Variants in GRXCR1 observed in about 807,000 individuals in gnomAD.
GRXCR1 encodes the protein glutaredoxin and cysteine rich domain containing 1.
GRXCR1 carries 27 observed loss-of-function variants against 27.3 expected under a neutral mutation model. The observed-to-expected ratio is 0.99, with a 90% CI of 0.73 to 1.37. GRXCR1 has a LOEUF of 1.37. GRXCR1 is among the 40% of genes most tolerant of loss of function. The pLI is 0.00. For synonymous variants in GRXCR1, 122 were observed against 131.1 expected (o/e 0.93, Z 0.47); for missense variants, 379 against 354.4 (o/e 1.07, Z -0.56).
chr4:42,941,594 A>C (rs563776080), intron 1 of GRXCR1, among the ~76,000 whole-genome samples: 12 of 151,972 alleles, frequency 7.9e-5, no homozygotes, highest in Non-Finnish European at 1.6e-4. Flanking sequence ...TATTTAACGG[A>C]GAGGCAAATG....
intron 2 of GRXCR1, among the ~76,000 whole-genome samples, chr4:43,004,515 G>A (rs1038568557): frequency 2.6e-5 from 4 of 152,204 alleles, no homozygotes; most frequent in African/African-American, 9.7e-5. Flanking sequence ...GGCACTCAAC[G>A]ACAGCCCATG....
At chr4:42,943,602 C>G (rs1182395527) in intron 1 of GRXCR1, among the ~76,000 whole-genome samples, 1 of 151,990 alleles carries the variant, frequency 6.6e-6, no homozygotes, top group African/African-American at 2.4e-5. Flanking sequence ...CGGAAAACAA[C>G]TAAACCAAAG....
At chr4:42,981,246 T>A (rs1025791384) in intron 2 of GRXCR1, among the ~76,000 whole-genome samples, 1 of 152,006 alleles carries the variant, frequency 6.6e-6, no homozygotes, top group Non-Finnish European at 1.5e-5. Context: ...TCATGAGACT[T>A]ATAAAAAACA....
At chr4:42,962,182 A>T (rs1255859818) in intron 1 of GRXCR1, among the ~76,000 whole-genome samples, 1 of 151,756 alleles carries the variant, frequency 6.6e-6, no homozygotes, top group African/African-American at 2.4e-5. Flanking sequence ...CTTGTTTTTG[A>T]GTGTTGCTTG....
rs796364167 is a variant in GRXCR1, at chr4:42,983,435, A to G, written c.627+20301A>G. 2.8e-3 allele frequency among the ~76,000 whole-genome samples: 426 copies of G among 151,696 alleles called. 3 individuals carry two copies. Among genetic ancestry groups the G allele is most frequent in the African/African-American group, 9.9e-3 (409 of 41,288 alleles). On this transcript the variant is annotated intron_variant, in intron 2 of 3. Coordinates refer to ENST00000399770, the MANE Select transcript of GRXCR1 (RefSeq NM_001080476.3). ...TCTATATCTCTGTTTTGGTACCAGT[A>G]GCATGCTGTTTTGGTTACTGTAGCC...
At chr4:43,003,140 C>T (rs1160918813) in intron 2 of GRXCR1, among the ~76,000 whole-genome samples, 5 of 152,106 alleles carry the variant, frequency 3.3e-5, no homozygotes, top group Admixed American at 6.6e-5. Context: ...TCCTGTTAAG[C>T]CTGTAGAACT....
At chr4:42,898,809 T>C in intron 1 of GRXCR1, among the ~76,000 whole-genome samples, 1 of 148,866 alleles carries the variant, frequency 6.7e-6, no homozygotes, top group African/African-American at 2.5e-5. Context: ...TCTTATGTAG[T>C]GTTCTGTCAA....
intron 2 of GRXCR1, among the ~76,000 whole-genome samples, chr4:42,990,291 A>G (rs1711927352): frequency 7.4e-6 from 1 of 135,042 alleles, no homozygotes; most frequent in Non-Finnish European, 1.5e-5. Flanking sequence ...TCCCGGGTTC[A>G]CGCCATTCTC....
chr4:42,987,229 T>TTATATATATATATTA (rs1349228105), intron 2 of GRXCR1, among the ~76,000 whole-genome samples: 2 of 92,236 alleles, frequency 2.2e-5, no homozygotes, highest in Non-Finnish European at 4.3e-5. Context: ...ATATTATATA[T>TTATATATATATATTA]TATATATATA....
intron 2 of GRXCR1, among the ~76,000 whole-genome samples, chr4:43,001,770 C>T (rs1012436556): frequency 1.3e-5 from 2 of 152,050 alleles, no homozygotes; most frequent in Admixed American, 6.5e-5. Flanking sequence ...CTCCAGCACA[C>T]CAAGGACCTG....
intron 2 of GRXCR1, among the ~76,000 whole-genome samples, chr4:43,013,372 A>G (rs1712821301): frequency 6.6e-6 from 1 of 152,214 alleles, no homozygotes; most frequent in Non-Finnish European, 1.5e-5. Flanking sequence ...AAGTGAATTA[A>G]TGCAGGAACA....
chr4:42,994,601 C>T (rs973759002), intron 2 of GRXCR1, among the ~76,000 whole-genome samples: 2 of 152,092 alleles, frequency 1.3e-5, no homozygotes, highest in Admixed American at 6.6e-5. Context: ...AAGAAACAAA[C>T]CTTACTAATC....
intron 1 of GRXCR1, among the ~76,000 whole-genome samples, chr4:42,911,740 T>C (rs1046818166): frequency 1.3e-5 from 2 of 152,150 alleles, no homozygotes; most frequent in Non-Finnish European, 2.9e-5. Flanking sequence ...CATCTGTAAA[T>C]TGATGCTAGT....
intron 2 of GRXCR1, among the ~76,000 whole-genome samples, chr4:42,992,610 A>T (rs1712010892): frequency 6.6e-6 from 1 of 152,102 alleles, no homozygotes; most frequent in Non-Finnish European, 1.5e-5. Flanking sequence ...ATATACTTAG[A>T]GTAGGCCGTA....
At chr4:42,923,017 A>G (rs1027496382) in intron 1 of GRXCR1, among the ~76,000 whole-genome samples, 4 of 152,074 alleles carry the variant, frequency 2.6e-5, no homozygotes, top group Non-Finnish European at 4.4e-5. Context: ...CTGCACAATA[A>G]TTGCATAAAT....
intron 2 of GRXCR1, among the ~76,000 whole-genome samples, chr4:43,018,074 A>G (rs1424314999): frequency 1.3e-5 from 2 of 152,326 alleles, no homozygotes; most frequent in African/African-American, 4.8e-5. Context: ...GAAGGCGATC[A>G]TTTGATTTCC....
chr4:42,908,591 C>T lies in GRXCR1; in HGVS notation c.384+14941C>T, dbSNP rs531465869. Reference sequence around the variant, plus strand: ...AAAGTCCTTCTATTTGTTAGTTCTACTCAAAACAAGTAATCTTCTATGCCT... The same window carrying T: ...AAAGTCCTTCTATTTGTTAGTTCTATTCAAAACAAGTAATCTTCTATGCCT... On this transcript the variant is annotated intron_variant, in intron 1 of 3. Coordinates refer to ENST00000399770, the MANE Select transcript of GRXCR1 (RefSeq NM_001080476.3). Among the ~76,000 whole-genome samples, 3 of 152,260 alleles carry T rather than the reference C, an allele frequency of 2.0e-5. No individual in the cohort carries two copies. In the South Asian group the frequency reaches 6.2e-4, roughly 32 times the overall value.
intron 1 of GRXCR1, among the ~76,000 whole-genome samples, chr4:42,895,623 C>T (rs1442527900): frequency 1.3e-5 from 2 of 152,108 alleles, no homozygotes; most frequent in African/African-American, 2.4e-5. Context: ...GAGCTCCATT[C>T]CCCATTGTCT....
chr4:42,926,202 C>T (rs1747153569), intron 1 of GRXCR1, among the ~76,000 whole-genome samples: 1 of 152,000 alleles, frequency 6.6e-6, no homozygotes, highest in African/African-American at 2.4e-5. Context: ...TGGAATTTGG[C>T]AGTTCTAAGA....
Sources: gnomAD v4.1 joint callset for allele counts (sites outside exome capture counted in the v4.1 genomes callset) on GRCh38, gnomAD v4.1.1 for gene constraint, MANE v1.5 for transcripts, NCBI Gene and HGNC (gene_info 2026-07-23, HGNC 2026-07-21) for gene names.